The following URB1 variants were observed in gnomAD, a reference collection of about 807,000 sequenced individuals.
URB1 encodes URB1 ribosome biogenesis factor, also known as nucleolar pre-ribosomal-associated protein 1.
URB1 carries 197 observed loss-of-function variants against 242.3 expected under a neutral mutation model. The ratio of observed to expected loss-of-function variants is 0.81; its 90% CI spans 0.72 to 0.91. URB1 has a LOEUF of 0.91. URB1 is among the 40% of genes least tolerant of loss of function. The probability of loss-of-function intolerance (pLI) is 0.00; values close to 1 mark genes in which losing one functional copy is unlikely to be tolerated. For missense variants in URB1, 2,721 were observed against 2,860.5 expected (o/e 0.95, Z 1.11); for synonymous variants, 1,153 against 1,201.8 (o/e 0.96, Z 0.84).
chr21:32,365,811 C>T (rs1057180761), intron 10 of URB1, among the ~76,000 whole-genome samples: 1 of 152,228 alleles, frequency 6.6e-6, no homozygotes, highest in Admixed American at 6.5e-5. Context: ...ACAGGGCCAA[C>T]TGAGGCCTGT....
intron 25 of URB1, 79 bp downstream of exon 25, chr21:32,341,387 A>C: frequency 7.2e-7 from 1 of 1,383,544 alleles, no homozygotes; most frequent in Non-Finnish European, 1.0e-6. Context: ...TGCTAATAAC[A>C]AGCTATAAAA....
rs75947039 is a variant in URB1, at chr21:32,373,566, G to A, written c.876+81C>T. The A allele has an allele frequency of 4.0e-4, 561 of 1,407,370 alleles. 4 individuals carry two copies. The African/African-American group carries it at 6.9e-3, about 17-fold the overall frequency. 87.2% of individuals were successfully genotyped at this position (1,407,370 alleles called of 1,614,324 possible). A position where few individuals can be genotyped will look rare whatever the true frequency, so the allele number is the denominator to read the frequency against. On this transcript the variant is annotated intron_variant, in intron 7 of 38. Transcript: ENST00000382751. ...AATGAGGGGACTTCAAGTCTGGTGC[G>A]GTGTTGAGAATTCTCCCTCTCCCAA... is the stretch of plus-strand genomic sequence containing the variant.
chr21:32,317,553 G>T, intron 37 of URB1, 123 bp downstream of exon 37: 2 of 1,395,846 alleles, frequency 1.4e-6, no homozygotes, highest in Non-Finnish European at 1.9e-6. Flanking sequence ...AGATGGATGT[G>T]TCCCATCTCT....
intron 17 of URB1, 122 bp downstream of exon 17, chr21:32,354,737 T>C: frequency 7.7e-7 from 1 of 1,302,762 alleles, no homozygotes. Flanking sequence ...TGGTCTTTGC[T>C]GCAAAGGGAC....
intron 25 of URB1, 132 bp from the exon 26 acceptor site, chr21:32,339,032 T>C (rs2032997803): frequency 1.0e-6 from 1 of 1,002,528 alleles, no homozygotes; most frequent in East Asian, 2.8e-5. Context: ...ATTCATTCTA[T>C]TGCCCAGGCT....
At chr21:32,329,074 C>G (rs1009218955) in intron 30 of URB1, among the ~76,000 whole-genome samples, 1 of 150,060 alleles carries the variant, frequency 6.7e-6, no homozygotes, top group Non-Finnish European at 1.5e-5. Flanking sequence ...GCCAGGAGTT[C>G]CCCTGGCAAC....
At chr21:32,319,723 C>T (rs893029883) in intron 35 of URB1, among the ~76,000 whole-genome samples, 2 of 152,176 alleles carry the variant, frequency 1.3e-5, no homozygotes, top group African/African-American at 4.8e-5. Context: ...GCTAATTGTG[C>T]CTTTTATAAA....
At chr21:32,319,169 C>G (rs541687711) in intron 36 of URB1, 48 bp downstream of exon 36, 1 of 1,513,734 alleles carries the variant, frequency 6.6e-7, no homozygotes, top group African/African-American at 1.4e-5. Flanking sequence ...CAGACCAACA[C>G]AGCATCCAAG....
At chr21:32,330,339 T>C (rs576208352) in intron 30 of URB1, among the ~76,000 whole-genome samples, 1 of 152,104 alleles carries the variant, frequency 6.6e-6, no homozygotes, top group South Asian at 2.1e-4. Context: ...AGGCAAGCTC[T>C]GCAAATTTTT....
chr21:32,329,458 T>C (rs1265636801), intron 30 of URB1, among the ~76,000 whole-genome samples: 2 of 152,166 alleles, frequency 1.3e-5, no homozygotes, highest in African/African-American at 2.4e-5. Context: ...GCTCAGAGAA[T>C]TGCAAATGGG....
At position 32,349,482 on chromosome 21, in the gene URB1, A is replaced by G; in HGVS notation, c.2834T>C (p.Leu945Pro). The change falls in exon 21 of 39, where the codon CTG becomes CCG. Residue 945 changes from leucine to proline, a missense_variant and splice_region_variant. Coordinates refer to ENST00000382751, the MANE Select transcript of URB1 (RefSeq NM_014825.3). ...LRSTVENFGQ[L>P]GRSVGPPLLQ... ...GAGGGGCGGGCCCACACTTCTGCCC[A>G]GCTGTGAGGACAAGAGCACGAGCCT... is the stretch of plus-strand genomic sequence containing the variant. The G allele has an allele frequency of 6.5e-7, 1 of 1,544,410 alleles. No individual in the cohort carries two copies. The highest frequency in any genetic ancestry group is 8.7e-7 in the Non-Finnish European group (1 of 1,144,444).
chr21:32,349,901 C>A (rs1218564726), intron 20 of URB1, among the ~76,000 whole-genome samples: 1 of 151,042 alleles, frequency 6.6e-6, no homozygotes, highest in African/African-American at 2.4e-5. Context: ...TCAAGACCAG[C>A]CTGGCCAACA....
At chr21:32,354,246 A>G (rs2033193472) in intron 17 of URB1, 143 bp from the exon 18 acceptor site, 1 of 898,986 alleles carries the variant, frequency 1.1e-6, no homozygotes, top group Non-Finnish European at 1.6e-6. Flanking sequence ...ACATAGTTTG[A>G]CCCTAAACAG....
In URB1 at chr21:32,390,791, T is replaced by C. The variant is rs868681185; in HGVS notation, c.142+1978A>G. ...GTGGGACTGTAAACTAGTTCAACCA[T>C]TGTGGAAGTCAGTGTGGCGATTCCT... On this transcript the variant is annotated intron_variant, in intron 1 of 38. Coordinates refer to ENST00000382751, the MANE Select transcript of URB1 (RefSeq NM_014825.3). 7.0e-4 allele frequency among the ~76,000 whole-genome samples: 106 copies of C among 152,308 alleles called. 1 individual carries two copies. In the South Asian group the frequency reaches 0.012, roughly 18 times the overall value.
At chr21:32,359,746 C>T (rs546663589) in intron 14 of URB1, 50 bp downstream of exon 14, 21 of 1,474,682 alleles carry the variant, frequency 1.4e-5, no homozygotes, top group African/African-American at 5.8e-5. Flanking sequence ...AGAAGCCACC[C>T]GGCCCAGCAG....
chr21:32,363,088 G>T (rs1196995945), intron 11 of URB1, 68 bp downstream of exon 11: 7 of 1,503,574 alleles, frequency 4.7e-6, no homozygotes, highest in Non-Finnish European at 6.2e-6. Context: ...TCCACCCTAG[G>T]GCTGCAGAAT....
intron 14 of URB1, among the ~76,000 whole-genome samples, chr21:32,358,030 A>C (rs111920963): frequency 0.069 from 10,554 of 152,322 alleles, 437 homozygotes; most frequent in Middle Eastern, 0.14. Context: ...CTTCATCTCC[A>C]AAAACAAAAA....
chr21:32,330,695 G>C (rs1371888591), intron 30 of URB1, among the ~76,000 whole-genome samples: 4 of 152,178 alleles, frequency 2.6e-5, no homozygotes, highest in Non-Finnish European at 5.9e-5. Flanking sequence ...CAGCACCACT[G>C]AGGCACAGGG....
chr21:32,392,762 G>A lies in URB1; in HGVS notation c.142+7C>T, dbSNP rs775507271. ...TCCCGACCCTGCGCCTGCCGCCCCG[G>A]ACTCACCTGGCCCGGGGCCCTGCGG... On this transcript the variant is annotated splice_region_variant and intron_variant, in intron 1 of 38. Transcript: ENST00000382751. 2.8e-6 allele frequency: 4 copies of A among 1,451,940 alleles called. No homozygotes were observed. The South Asian group carries it at 4.0e-5, about 14-fold the overall frequency. The allele number at this position is 1,451,940 out of a possible 1,614,324, so 89.9% of individuals were successfully genotyped here. A position where few individuals can be genotyped will look rare whatever the true frequency, so the allele number is the denominator to read the frequency against.
Sources: allele counts gnomAD v4.1 joint callset (sites outside exome capture counted in the v4.1 genomes callset), GRCh38; gene constraint gnomAD v4.1.1; transcripts MANE v1.5; gene names NCBI Gene and HGNC (gene_info 2026-07-23, HGNC 2026-07-21).